CXCL13: variants seen among roughly 807,000 people sequenced by gnomAD.
CXCL13 encodes C-X-C motif chemokine 13.
A neutral mutation model predicts 12.2 loss-of-function variants in CXCL13; 7 were observed. The ratio of observed to expected loss-of-function variants is 0.57; its 90% CI spans 0.33 to 1.07. The LOEUF is 1.07. Among genes scored for constraint, CXCL13 ranks in the 50% least tolerant of loss-of-function variants. The pLI, the probability that CXCL13 is intolerant of heterozygous loss-of-function variation, is 0.04. For synonymous variants in CXCL13, 47 were observed against 42.4 expected, an observed-to-expected ratio of 1.11 and a Z score of -0.42; for missense variants, 113 against 127.4, an observed-to-expected ratio of 0.89 and a Z score of 0.55.
intron 1 of CXCL13, among the ~76,000 whole-genome samples, chr4:77,569,563 A>G (rs1726015162): frequency 6.6e-6 from 1 of 152,162 alleles, no homozygotes; most frequent in Admixed American, 6.5e-5. Context: ...GAATACAGCT[A>G]ACCAGGAAGG....
At chr4:77,525,766 G>A (rs1417568287) in intron 1 of CXCL13, among the ~76,000 whole-genome samples, 2 of 152,088 alleles carry the variant, frequency 1.3e-5, no homozygotes, top group Admixed American at 6.5e-5. Flanking sequence ...AACACTCATG[G>A]TCACAGAAAC....
intron 1 of CXCL13, among the ~76,000 whole-genome samples, chr4:77,559,594 T>C (rs1174474976): frequency 6.6e-6 from 1 of 151,740 alleles, no homozygotes; most frequent in African/African-American, 2.4e-5. Context: ...ATATGCCGTG[T>C]GTGTGTGTGT....
chr4:77,592,187 A>C (rs62304086), intron 1 of CXCL13, among the ~76,000 whole-genome samples: 11,262 of 152,352 alleles, frequency 0.074, 519 homozygotes, highest in Middle Eastern at 0.16. Context: ...AAATAATCTA[A>C]GTGTACATCA....
At chr4:77,602,703 G>C (rs1196057332), upstream of CXCL13, among the ~76,000 whole-genome samples, 2 of 151,944 alleles carry the variant, frequency 1.3e-5, no homozygotes, top group African/African-American at 4.8e-5. Flanking sequence ...AATCAGGTTT[G>C]ATATAAACCA....
chr4:77,608,773 A>C (rs916467750), intron 2 of CXCL13, among the ~76,000 whole-genome samples: 2 of 152,210 alleles, frequency 1.3e-5, no homozygotes, highest in Non-Finnish European at 2.9e-5. Flanking sequence ...TAACTAAACT[A>C]CAATTATTGG....
intron 1 of CXCL13, among the ~76,000 whole-genome samples, chr4:77,597,189 T>C (rs1726787049): frequency 2.0e-5 from 3 of 152,172 alleles, no homozygotes; most frequent in Admixed American, 6.5e-5. Context: ...AAATGATAGA[T>C]TACTTAAAAA....
chr4:77,610,774 C>T, intron 3 of CXCL13, 80 bp downstream of exon 3: 1 of 1,105,638 alleles, frequency 9.0e-7, no homozygotes, highest in South Asian at 1.3e-5. Flanking sequence ...AAAATAGGGA[C>T]TAGCTTGAAT....
rs1468082603 is a variant in CXCL13, at chr4:77,580,300, T to TTTTC, written c.-42-25516_-42-25513dup. Among the ~76,000 whole-genome samples the TTTTC allele has an allele frequency of 2.5e-3, 316 of 123,950 alleles. 13 individuals carry two copies. The highest frequency in any genetic ancestry group is 9.1e-3 in the African/African-American group (292 of 32,044). The allele number at this position is 123,950 out of a possible 152,430, so 81.3% of individuals were successfully genotyped here. On this transcript the variant is annotated intron_variant, in intron 1 of 4. Coordinates refer to the CXCL13 transcript ENST00000286758. ...AATATATATTTTTTAAAAAGACAAG[T>TTTTC]TTTCTTTCTTTTTTTTTTTTTTTTT...
At chr4:77,516,625 T>C (rs1461486549) in intron 1 of CXCL13, among the ~76,000 whole-genome samples, 1 of 152,202 alleles carries the variant, frequency 6.6e-6, no homozygotes, top group Non-Finnish European at 1.5e-5. Context: ...CTGATGGTAG[T>C]TTGTATTTCT....
chr4:77,515,388 T>C (rs1410589371), intron 1 of CXCL13, among the ~76,000 whole-genome samples: 1 of 152,182 alleles, frequency 6.6e-6, no homozygotes, highest in African/African-American at 2.4e-5. Context: ...ATCTATAAAT[T>C]ACCTTGGGCA....
chr4:77,545,699 A>T (rs1333807817), intron 1 of CXCL13, among the ~76,000 whole-genome samples: 1 of 152,192 alleles, frequency 6.6e-6, no homozygotes, highest in Non-Finnish European at 1.5e-5. Context: ...GCAAACAGAG[A>T]CAATTTGACT....
chr4:77,540,884 G>A (rs190116316), intron 1 of CXCL13, among the ~76,000 whole-genome samples: 138 of 152,260 alleles, frequency 9.1e-4, no homozygotes, highest in African/African-American at 3.3e-3. Context: ...CAACAGTGTA[G>A]AAGCCTTCCC....
intron 1 of CXCL13, among the ~76,000 whole-genome samples, chr4:77,590,126 C>T (rs1275311474): frequency 1.3e-5 from 2 of 152,092 alleles, no homozygotes; most frequent in Non-Finnish European, 2.9e-5. Flanking sequence ...GTTTGTACTG[C>T]GTGGCTCCGG....
chr4:77,539,390 G>A (rs1725147829), intron 1 of CXCL13, among the ~76,000 whole-genome samples: 1 of 152,208 alleles, frequency 6.6e-6, no homozygotes, highest in Admixed American at 6.5e-5. Context: ...GCCTCCCAAA[G>A]TGCTGGGATC....
chr4:77,537,657 TG>T (rs1553915022), intron 1 of CXCL13, among the ~76,000 whole-genome samples: 1 of 152,196 alleles, frequency 6.6e-6, no homozygotes, highest in African/African-American at 2.4e-5. Context: ...ATAGCAATTT[TG>T]TTTGGTTTTG....
intron 1 of CXCL13, among the ~76,000 whole-genome samples, chr4:77,524,441 G>A (rs974174679): frequency 6.6e-6 from 1 of 152,234 alleles, no homozygotes; most frequent in African/African-American, 2.4e-5. Flanking sequence ...AGCAATGGCA[G>A]ATGCCCCTCT....
At chr4:77,524,589 G>A (rs1270330479) in intron 1 of CXCL13, among the ~76,000 whole-genome samples, 5 of 152,168 alleles carry the variant, frequency 3.3e-5, no homozygotes, top group Admixed American at 3.3e-4. Context: ...TTCAGTATTT[G>A]GGCTGGAGTG....
chr4:77,545,777 A>G (rs1725346845), intron 1 of CXCL13, among the ~76,000 whole-genome samples: 1 of 152,114 alleles, frequency 6.6e-6, no homozygotes, highest in Admixed American at 6.6e-5. Flanking sequence ...AGAACTTCCA[A>G]CACTATGTTG....
At position 77,544,205 on chromosome 4, in the gene CXCL13, G is replaced by A. The variant is rs188365180; in HGVS notation, c.-43+32417G>A. On this transcript the variant is annotated intron_variant, in intron 1 of 4. Coordinates refer to the CXCL13 transcript ENST00000286758. ...TATTGGGAATAGTGCCGCAATAAAC[G>A]TATGTGTGCATGTGTCTTTATAGTA... 2.9e-3 allele frequency among the ~76,000 whole-genome samples: 442 copies of A among 152,094 alleles called. 1 individual carries two copies. The highest frequency in any genetic ancestry group is 4.1e-3 in the Non-Finnish European group (278 of 67,938).
Sources: gnomAD v4.1 joint callset for allele counts (sites outside exome capture counted in the v4.1 genomes callset) on GRCh38, gnomAD v4.1.1 for gene constraint, MANE v1.5 for transcripts, NCBI Gene and HGNC (gene_info 2026-07-23, HGNC 2026-07-21) for gene names.